The following NBEA variants were observed in gnomAD, a reference collection of about 807,000 sequenced individuals.
NBEA encodes neurobeachin, also known as lysosomal-trafficking regulator 2.
In NBEA, 44 loss-of-function variants were observed where a neutral mutation model predicts 343.4. The ratio of observed to expected loss-of-function variants is 0.13; its 90% CI spans 0.10 to 0.16. The LOEUF is 0.16. Among genes scored for constraint, NBEA ranks in the 10% least tolerant of loss-of-function variants. The pLI is 1.00. For missense variants in NBEA, 2,555 were observed against 3,631.3 expected (o/e 0.70, Z 7.62); for synonymous variants, 1,175 against 1,238.7 (o/e 0.95, Z 1.08).
At chr13:35,002,209 T>G (rs1278357044) in intron 1 of NBEA, among the ~76,000 whole-genome samples, 3 of 152,100 alleles carry the variant, frequency 2.0e-5, no homozygotes, top group Non-Finnish European at 2.9e-5. Context: ...TACATACAGT[T>G]TGTGGGTACA....
chr13:35,414,500 G>A (rs544404044), intron 38 of NBEA, among the ~76,000 whole-genome samples: 6 of 152,062 alleles, frequency 3.9e-5, no homozygotes, highest in South Asian at 2.1e-4. Context: ...CGGTCCTTGC[G>A]ATAGTTTGCT....
intron 41 of NBEA, chr13:35,476,073 G>C: frequency 6.8e-6 from 11 of 1,614,212 alleles, no homozygotes; most frequent in Non-Finnish European, 9.3e-6. Flanking sequence ...CAGCTTTCCT[G>C]GCTTGGCATT....
intron 36 of NBEA, among the ~76,000 whole-genome samples, chr13:35,338,353 A>G (rs1200885044): frequency 6.6e-6 from 1 of 152,072 alleles, no homozygotes; most frequent in Non-Finnish European, 1.5e-5. Flanking sequence ...AAAACTCTAC[A>G]TATGAAATGG....
chr13:35,281,324 T>C (rs2035037254), intron 34 of NBEA, among the ~76,000 whole-genome samples: 1 of 152,174 alleles, frequency 6.6e-6, no homozygotes, highest in Admixed American at 6.5e-5. Flanking sequence ...TTTTCTTAAA[T>C]GGAGGATTCG....
At chr13:35,595,239 T>C (rs528453065) in intron 47 of NBEA, among the ~76,000 whole-genome samples, 1 of 152,208 alleles carries the variant, frequency 6.6e-6, no homozygotes, top group South Asian at 2.1e-4. Context: ...GGGGGGCTCC[T>C]GGGTTCACAT....
intron 38 of NBEA, among the ~76,000 whole-genome samples, chr13:35,363,598 T>C (rs1333437144): frequency 6.6e-6 from 1 of 151,902 alleles, no homozygotes; most frequent in Non-Finnish European, 1.5e-5. Flanking sequence ...TCAGGTCTCC[T>C]GAATTCAAGA....
chr13:35,231,660 T>G (rs1001892882), intron 33 of NBEA, among the ~76,000 whole-genome samples: 3 of 152,096 alleles, frequency 2.0e-5, no homozygotes, highest in Admixed American at 1.3e-4. Context: ...TTTATATCCC[T>G]TAGCTTGTTT....
At chr13:35,494,694 T>TCTG (rs2076612381) in intron 41 of NBEA, among the ~76,000 whole-genome samples, 1 of 151,814 alleles carries the variant, frequency 6.6e-6, no homozygotes, top group Non-Finnish European at 1.5e-5. Context: ...AATAATAGCA[T>TCTG]TAAATGTAAA....
chr13:35,406,574 G>A (rs1383565998), intron 38 of NBEA, among the ~76,000 whole-genome samples: 1 of 152,032 alleles, frequency 6.6e-6, no homozygotes, highest in Non-Finnish European at 1.5e-5. Flanking sequence ...CCATTCCTGA[G>A]TTACTTCACT....
At chr13:35,608,558 T>A (rs1288783331) in intron 48 of NBEA, among the ~76,000 whole-genome samples, 1 of 152,200 alleles carries the variant, frequency 6.6e-6, no homozygotes, top group Non-Finnish European at 1.5e-5. Context: ...CTCAGAGCCC[T>A]GCTTGGCACA....
At chr13:35,210,835 G>A (rs1016651979) in intron 32 of NBEA, among the ~76,000 whole-genome samples, 2 of 151,868 alleles carry the variant, frequency 1.3e-5, no homozygotes, top group Non-Finnish European at 2.9e-5. Context: ...ATGTAGTTTT[G>A]TTAGATTAAT....
chr13:35,241,536 G>A lies in NBEA; in HGVS notation c.5776+8917G>A, dbSNP rs138678100. Among the ~76,000 whole-genome samples the A allele has an allele frequency of 3.3e-5, 5 of 151,812 alleles. No homozygotes were observed. In the East Asian group the frequency reaches 9.7e-4, roughly 29 times the overall value. ...ACTAGATACAAAAGCGTAAAGTGTA[G>A]AGGGTAAAAAAATCACCATATTAAA... On this transcript the variant is annotated intron_variant, in intron 34 of 58. Transcript: ENST00000379939.
At chr13:35,003,020 G>C (rs1186430176) in intron 1 of NBEA, among the ~76,000 whole-genome samples, 1 of 152,140 alleles carries the variant, frequency 6.6e-6, no homozygotes, top group Admixed American at 6.5e-5. Context: ...GATAATAAGA[G>C]AGCGTTCTCC....
At chr13:35,191,509 G>T (rs181503504) in intron 30 of NBEA, among the ~76,000 whole-genome samples, 1 of 151,814 alleles carries the variant, frequency 6.6e-6, no homozygotes, top group African/African-American at 2.4e-5. Context: ...ATAAATAATC[G>T]CAAATAATTC....
At chr13:35,251,800 C>G in intron 34 of NBEA, 1 of 181,568 alleles carries the variant, frequency 5.5e-6, no homozygotes, top group South Asian at 1.2e-4. Flanking sequence ...ATGTTACCCA[C>G]CTGCCCACGG....
chr13:35,409,360 A>G (rs561745541), intron 38 of NBEA, among the ~76,000 whole-genome samples: 16 of 152,054 alleles, frequency 1.1e-4, no homozygotes, highest in Admixed American at 4.6e-4. Flanking sequence ...GGGTGGGAGA[A>G]CAGAGAGAAT....
At chr13:35,612,107 G>T (rs570478570) in intron 48 of NBEA, among the ~76,000 whole-genome samples, 2 of 151,362 alleles carry the variant, frequency 1.3e-5, no homozygotes, top group South Asian at 4.2e-4. Flanking sequence ...TCTAGTGAAT[G>T]TGAGGTAATA....
At chr13:35,417,290 T>C (rs959940805) in intron 38 of NBEA, among the ~76,000 whole-genome samples, 3 of 152,154 alleles carry the variant, frequency 2.0e-5, no homozygotes, top group African/African-American at 7.2e-5. Flanking sequence ...TTTGAATGTG[T>C]TTGCTCTTGC....
intron 34 of NBEA, among the ~76,000 whole-genome samples, chr13:35,275,236 G>A (rs564567396): frequency 2.6e-5 from 4 of 152,208 alleles, no homozygotes; most frequent in South Asian, 4.2e-4. Flanking sequence ...TGACAAACCT[G>A]ACAAAAACAA....
Sources: allele counts gnomAD v4.1 joint callset (sites outside exome capture counted in the v4.1 genomes callset), GRCh38; gene constraint gnomAD v4.1.1; transcripts MANE v1.5; gene names NCBI Gene and HGNC (gene_info 2026-07-23, HGNC 2026-07-21).